RERE: variants seen among roughly 807,000 people sequenced by gnomAD.
RERE encodes arginine-glutamic acid dipeptide repeats.
A neutral mutation model predicts 146.1 loss-of-function variants in RERE; 40 were observed. The ratio of observed to expected loss-of-function variants is 0.27; its 90% CI spans 0.21 to 0.36. RERE has a LOEUF of 0.36. Ranked by LOEUF, RERE falls within the 10% of genes least tolerant of loss-of-function variation. The pLI is 1.00. For missense variants in RERE, 1,933 were observed against 2,138.7 expected, an observed-to-expected ratio of 0.90 and a Z score of 1.90; for synonymous variants, 1,003 against 866.0, an observed-to-expected ratio of 1.16 and a Z score of -2.78.
chr1:8,413,551 C>G (rs1643673950), intron 12 of RERE, among the ~76,000 whole-genome samples: 1 of 151,352 alleles, frequency 6.6e-6, no homozygotes, highest in South Asian at 2.1e-4. Context: ...ACCATGTTGC[C>G]TAGGCTAGAC....
chr1:8,622,230 C>T (rs1646924206), intron 3 of RERE, among the ~76,000 whole-genome samples: 2 of 152,244 alleles, frequency 1.3e-5, no homozygotes, highest in African/African-American at 4.8e-5. Flanking sequence ...ATAAGAGATG[C>T]TGTTCAAACA....
At chr1:8,399,564 C>A (rs1048871922) in intron 12 of RERE, among the ~76,000 whole-genome samples, 1 of 152,130 alleles carries the variant, frequency 6.6e-6, no homozygotes, top group Non-Finnish European at 1.5e-5. Flanking sequence ...TTGTATAAAG[C>A]CTATCTTCCT....
chr1:8,785,759 T>A (rs928428494), intron 1 of RERE, among the ~76,000 whole-genome samples: 1 of 152,058 alleles, frequency 6.6e-6, no homozygotes, highest in East Asian at 1.9e-4. Flanking sequence ...GTAGCTGAGA[T>A]TACAGGTGCC....
chr1:8,708,954 C>T (rs548267257), intron 1 of RERE, among the ~76,000 whole-genome samples: 20 of 138,772 alleles, frequency 1.4e-4, no homozygotes, highest in African/African-American at 5.3e-4. Flanking sequence ...ACTCTGTCGC[C>T]CAGGTTGGAG....
At chr1:8,515,783 A>T (rs917622874) in intron 7 of RERE, among the ~76,000 whole-genome samples, 9 of 152,194 alleles carry the variant, frequency 5.9e-5, no homozygotes, top group East Asian at 1.9e-4. Context: ...CAAAGGCAGT[A>T]TGAATCCTAG....
In RERE at chr1:8,795,610, C is replaced by T. The variant is rs573214256; in HGVS notation, c.-145+21550G>A. Among the ~76,000 whole-genome samples the T allele has an allele frequency of 5.6e-4, 85 of 152,254 alleles. 1 individual carries two copies. The highest frequency in any genetic ancestry group is 5.9e-4 in the Admixed American group (9 of 15,290). On this transcript the variant is annotated intron_variant, in intron 1 of 22. Coordinates refer to ENST00000400908, the MANE Select transcript of RERE (RefSeq NM_001042681.2). ...GAAATGGACTCTAGGTCTTCTCATG[C>T]CAACCAGGAGTCATGGCTTATTTTT... is the stretch of plus-strand genomic sequence containing the variant.
chr1:8,790,832 C>G (rs961982218), intron 1 of RERE, among the ~76,000 whole-genome samples: 4 of 152,162 alleles, frequency 2.6e-5, no homozygotes, highest in African/African-American at 9.7e-5. Context: ...GTGATCCACC[C>G]ACCTCAGCCT....
chr1:8,468,904 AAAAAAAAGAAAGAAAG>A (rs1644642227), intron 10 of RERE, among the ~76,000 whole-genome samples: 1 of 151,960 alleles, frequency 6.6e-6, no homozygotes, highest in South Asian at 2.1e-4. Context: ...CTCCAATAAA[AAAAAAAAGAAAGAAAG>A]AAAAAAAGAA....
rs960619998 is a variant in RERE at position 8,423,040 on chromosome 1, T to C, written c.1204-233A>G. ...CACCCACCACGCAGGGCAGCGCGTT[T>C]AAGAGAAGGACGTCCTGCGTCTGAG... On this transcript the variant is annotated intron_variant, in intron 11 of 22. Coordinates refer to ENST00000400908, the MANE Select transcript of RERE (RefSeq NM_001042681.2). This position sits in a 1 kb window ranked among gnomAD's most constrained non-coding sequence, Gnocchi z 5.4. The C allele has an allele frequency of 9.9e-6, 5 of 504,784 alleles. No homozygotes were observed. Among genetic ancestry groups the C allele is most frequent in the African/African-American group, 7.6e-5 (4 of 52,314 alleles). The allele number at this position is 504,784 out of a possible 1,614,324, so 31.3% of individuals were successfully genotyped here.
intron 1 of RERE, among the ~76,000 whole-genome samples, chr1:8,748,777 C>T (rs1395891047): frequency 6.6e-6 from 1 of 152,182 alleles, no homozygotes; most frequent in Non-Finnish European, 1.5e-5. Flanking sequence ...TTTCAAGGAC[C>T]TCATCAGACC....
intron 4 of RERE, among the ~76,000 whole-genome samples, chr1:8,589,777 C>T (rs932958636): frequency 6.6e-6 from 1 of 152,218 alleles, no homozygotes; most frequent in Non-Finnish European, 1.5e-5. Context: ...TGAGCCCAAG[C>T]TGAGGGCTTA....
chr1:8,440,841 G>T (rs1230690597), intron 11 of RERE, among the ~76,000 whole-genome samples: 2 of 150,384 alleles, frequency 1.3e-5, no homozygotes. Flanking sequence ...AAGTTGCAGT[G>T]AACCAAGACC....
chr1:8,357,065 T>C (rs916267869), intron 20 of RERE, among the ~76,000 whole-genome samples: 1 of 152,210 alleles, frequency 6.6e-6, no homozygotes, highest in African/African-American at 2.4e-5. Context: ...GCTCTCCTGA[T>C]CCCCTCTTCT....
intron 12 of RERE, among the ~76,000 whole-genome samples, chr1:8,422,447 C>T (rs1256521566): frequency 6.6e-6 from 1 of 152,194 alleles, no homozygotes; most frequent in African/African-American, 2.4e-5. Flanking sequence ...ACAATCCTTC[C>T]CCCACAACTA....
chr1:8,768,340 T>C (rs1640885960), intron 1 of RERE, among the ~76,000 whole-genome samples: 1 of 152,214 alleles, frequency 6.6e-6, no homozygotes, highest in Non-Finnish European at 1.5e-5. Flanking sequence ...TAAACCACAA[T>C]ATCCATTTCA....
chr1:8,399,624 C>T (rs1643177926), intron 12 of RERE, among the ~76,000 whole-genome samples: 1 of 152,084 alleles, frequency 6.6e-6, no homozygotes, highest in African/African-American at 2.4e-5. Context: ...TTCTACCACA[C>T]AAATCAGTCT....
intron 12 of RERE, among the ~76,000 whole-genome samples, chr1:8,385,968 TAAA>T (rs34493389): frequency 0.019 from 178 of 9,420 alleles, 1 homozygote; most frequent in Middle Eastern, 0.25. Context: ...GACTCCGTCT[TAAA>T]AAAAAAAAAA....
At chr1:8,655,473 T>C (rs1345360290) in intron 2 of RERE, among the ~76,000 whole-genome samples, 1 of 152,206 alleles carries the variant, frequency 6.6e-6, no homozygotes, top group African/African-American at 2.4e-5. Context: ...CCCAAAGTGC[T>C]AGAATTGCAG....
chr1:8,481,057 T>A (rs531303444), intron 10 of RERE, among the ~76,000 whole-genome samples: 1 of 152,318 alleles, frequency 6.6e-6, no homozygotes, highest in African/African-American at 2.4e-5. Context: ...CAGGAAAAGC[T>A]GTGGCATGAA....
Sources: gnomAD v4.1 joint callset for allele counts (sites outside exome capture counted in the v4.1 genomes callset) on GRCh38, gnomAD v4.1.1 for gene constraint, Gnocchi (gnomAD v3.1) non-coding constraint, MANE v1.5 for transcripts, NCBI Gene and HGNC (gene_info 2026-07-23, HGNC 2026-07-21) for gene names.